IL1RAPL2: variants seen among roughly 807,000 people sequenced by gnomAD.
The protein encoded by IL1RAPL2 is X-linked interleukin-1 receptor accessory protein-like 2.
In IL1RAPL2, 3 loss-of-function variants were observed where a neutral mutation model predicts 44.1. That is an observed-to-expected ratio of 0.07 (90% CI 0.03 to 0.18). IL1RAPL2 has a LOEUF of 0.18. IL1RAPL2 is among the 10% of genes least tolerant of loss of function. The pLI is 1.00. For synonymous variants in IL1RAPL2, 181 were observed against 178.8 expected (o/e 1.01, Z -0.10); for missense variants, 391 against 496.4 (o/e 0.79, Z 2.02).
intron 5 of IL1RAPL2, among the ~76,000 whole-genome samples, chrX:105,326,403 G>A (rs2034939002): frequency 9.1e-6 from 1 of 110,438 alleles, no homozygotes; most frequent in Admixed American, 9.7e-5. Flanking sequence ...AACAATTTTT[G>A]AAAATTTTTT....
At chrX:104,727,796 A>ATT (rs529219956) in intron 2 of IL1RAPL2, among the ~76,000 whole-genome samples, 1 of 103,794 alleles carries the variant, frequency 9.6e-6, no homozygotes, top group Admixed American at 1.1e-4. Flanking sequence ...TTGTTTTTGG[A>ATT]TTTTTTTTTT....
intron 6 of IL1RAPL2, among the ~76,000 whole-genome samples, chrX:105,652,610 G>T (rs930605525): frequency 9.0e-6 from 1 of 111,411 alleles, no homozygotes; most frequent in Non-Finnish European, 1.9e-5. Context: ...ATGTGATACA[G>T]ATTATTGTTC....
chrX:105,199,313 A>ATT (rs57910427), intron 3 of IL1RAPL2, among the ~76,000 whole-genome samples: 7,026 of 94,554 alleles, frequency 0.074, 240 homozygotes, highest in African/African-American at 0.11. Context: ...TGGTGGTTGT[A>ATT]TTTTTTTTTT....
At chrX:104,674,811 C>T (rs1602674253) in intron 2 of IL1RAPL2, among the ~76,000 whole-genome samples, 1 of 111,305 alleles carries the variant, frequency 9.0e-6, no homozygotes, top group African/African-American at 3.3e-5. Context: ...CAACTTCTTC[C>T]TGGTTTAGTT....
At position 104,910,077 on chromosome X, in the gene IL1RAPL2, C is replaced by G. The variant is rs780909691; in HGVS notation, c.82+251082C>G. Among the ~76,000 whole-genome samples the G allele has an allele frequency of 1.5e-3, 166 of 112,442 alleles. 1 individual carries two copies. Among genetic ancestry groups the G allele is most frequent in the African/African-American group, 4.9e-3 (153 of 30,966 alleles). On this transcript the variant is annotated intron_variant, in intron 2 of 10. Transcript: ENST00000372582. ...ATGCTGCACCATTTTTTAAGCCTGT[C>G]GGAAAAGCGCAGTATTCGGTTGGGA...
chrX:105,184,793 T>C (rs782191389), intron 2 of IL1RAPL2, among the ~76,000 whole-genome samples: 42 of 110,494 alleles, frequency 3.8e-4, no homozygotes, highest in South Asian at 2.3e-3. Context: ...TGAAAAAAAA[T>C]GTAATGAATT....
intron 5 of IL1RAPL2, among the ~76,000 whole-genome samples, chrX:105,457,112 T>C (rs1326427973): frequency 9.2e-6 from 1 of 108,382 alleles, no homozygotes; most frequent in East Asian, 2.9e-4. Flanking sequence ...GCAGTTTCAA[T>C]CTACTTAAAA....
At chrX:105,449,312 C>T (rs766482301) in intron 5 of IL1RAPL2, among the ~76,000 whole-genome samples, 25 of 110,772 alleles carry the variant, frequency 2.3e-4, no homozygotes, top group African/African-American at 5.6e-4. Context: ...TGGCTGGGTG[C>T]GGTGGCTCAC....
intron 3 of IL1RAPL2, among the ~76,000 whole-genome samples, chrX:105,233,211 G>A (rs1603024739): frequency 9.0e-6 from 1 of 111,021 alleles, no homozygotes; most frequent in East Asian, 2.8e-4. Flanking sequence ...TTGAACCCGG[G>A]AAGCAGAGCT....
At chrX:104,739,780 A>G (rs1932072156) in intron 2 of IL1RAPL2, among the ~76,000 whole-genome samples, 1 of 112,036 alleles carries the variant, frequency 8.9e-6, no homozygotes, top group African/African-American at 3.2e-5. Flanking sequence ...CATATATTTA[A>G]TAATCATTTT....
At chrX:105,561,639 T>C in intron 6 of IL1RAPL2, among the ~76,000 whole-genome samples, 1 of 111,800 alleles carries the variant, frequency 8.9e-6, no homozygotes, top group Non-Finnish European at 1.9e-5. Context: ...ATATAAAGCA[T>C]ATATGAGTAA....
chrX:105,362,034 A>G (rs2035251698), intron 5 of IL1RAPL2, among the ~76,000 whole-genome samples: 1 of 111,897 alleles, frequency 8.9e-6, no homozygotes. Context: ...ACTGACTGCT[A>G]AACAATTATG....
intron 2 of IL1RAPL2, among the ~76,000 whole-genome samples, chrX:105,109,145 C>T (rs1602958243): frequency 1.8e-5 from 2 of 112,189 alleles, no homozygotes; most frequent in African/African-American, 6.5e-5. Flanking sequence ...TAGAAAGCTG[C>T]ACTCTCTCTT....
At chrX:104,678,615 C>T (rs1483815217) in intron 2 of IL1RAPL2, among the ~76,000 whole-genome samples, 1 of 112,111 alleles carries the variant, frequency 8.9e-6, no homozygotes, top group East Asian at 2.8e-4. Flanking sequence ...TTACCTCTTT[C>T]CATTTTATTC....
intron 2 of IL1RAPL2, among the ~76,000 whole-genome samples, chrX:104,983,656 A>G (rs1457961955): frequency 9.2e-5 from 9 of 98,216 alleles, no homozygotes; most frequent in Non-Finnish European, 1.4e-4. Flanking sequence ...AATATTATGT[A>G]CATAATATAT....
chrX:105,046,589 T>C (rs1451216504), intron 2 of IL1RAPL2, among the ~76,000 whole-genome samples: 1 of 111,200 alleles, frequency 9.0e-6, no homozygotes, highest in African/African-American at 3.3e-5. Context: ...CTGCATTATA[T>C]CCAGTGCAAT....
intron 5 of IL1RAPL2, among the ~76,000 whole-genome samples, chrX:105,453,924 C>G (rs937155403): frequency 9.8e-5 from 11 of 111,973 alleles, no homozygotes; most frequent in African/African-American, 3.6e-4. Context: ...AGGTGCTCAA[C>G]ACTCATCTTC....
At chrX:104,932,492 C>A (rs758926701) in intron 2 of IL1RAPL2, among the ~76,000 whole-genome samples, 2 of 111,266 alleles carry the variant, frequency 1.8e-5, no homozygotes, top group African/African-American at 3.3e-5. Flanking sequence ...GCTGCCAAAT[C>A]AATCTATAAT....
At chrX:105,029,985 C>T (rs1237400424) in intron 2 of IL1RAPL2, among the ~76,000 whole-genome samples, 3 of 112,063 alleles carry the variant, frequency 2.7e-5, no homozygotes, top group Non-Finnish European at 3.8e-5. Context: ...TTTTGATTTG[C>T]ATTTCTCTGA....
Sources: gnomAD v4.1 joint callset for allele counts (sites outside exome capture counted in the v4.1 genomes callset) on GRCh38, gnomAD v4.1.1 for gene constraint, MANE v1.5 for transcripts, NCBI Gene and HGNC (gene_info 2026-07-23, HGNC 2026-07-21) for gene names.